Variants in COL16A1 observed in about 807,000 individuals in gnomAD.
COL16A1 encodes collagen type XVI alpha 1 chain.
Under a neutral mutation model 266.3 loss-of-function variants are expected in COL16A1, and 189 were observed. The observed-to-expected ratio is 0.71, with a 90% CI of 0.63 to 0.80. COL16A1 has a LOEUF of 0.80. Ranked by LOEUF, COL16A1 falls within the 30% of genes least tolerant of loss-of-function variation. The pLI is 0.00. For synonymous variants in COL16A1, 740 were observed against 782.3 expected (o/e 0.95, Z 0.90); for missense variants, 1,928 against 2,122.4 (o/e 0.91, Z 1.80).
intron 56 of COL16A1, 140 bp from the exon 57 acceptor site, chr1:31,662,798 C>T: frequency 1.2e-6 from 1 of 804,886 alleles, no homozygotes; most frequent in Admixed American, 2.8e-5. Flanking sequence ...CCCAATCTGT[C>T]CCTGTCTAAC....
At position 31,657,154 on chromosome 1, in the gene COL16A1, G is replaced by T; in HGVS notation, c.4021-86C>A. ...TCACTTTGTACATGGGGCAAGCCCA[G>T]CCCCCTGTTCCACCCAGAGGCCACG... is the stretch of plus-strand genomic sequence containing the variant. On this transcript the variant is annotated intron_variant, in intron 64 of 70. Transcript: ENST00000373672. This position sits in a 1 kb window ranked among gnomAD's most constrained non-coding sequence, Gnocchi z 6.4. The T allele has an allele frequency of 1.3e-6, 2 of 1,557,636 alleles. No homozygotes were observed. Among genetic ancestry groups the T allele is most frequent in the East Asian group, 2.2e-5 (1 of 44,602 alleles).
intron 60 of COL16A1, 23 bp from the exon 61 acceptor site, chr1:31,661,142 G>A (rs924310659): frequency 1.0e-5 from 16 of 1,556,842 alleles, no homozygotes; most frequent in Non-Finnish European, 1.3e-5. Flanking sequence ...GGAGCAGCTG[G>A]AGCTTACCAG....
chr1:31,675,224 G>A (rs1379018525), intron 43 of COL16A1, 34 bp downstream of exon 43: 1 of 1,614,136 alleles, frequency 6.2e-7, no homozygotes. Context: ...GGGCAGGGAA[G>A]GGGCATGCAC....
Position 31,662,245 on chromosome 1 carries a change from C to T in COL16A1, c.3681+89G>A, listed in dbSNP as rs534003526. On this transcript the variant is annotated intron_variant, in intron 58 of 70. Coordinates refer to ENST00000373672, the MANE Select transcript of COL16A1 (RefSeq NM_001856.4). ...CCCCCTGACAAAGACGGGGATACTT[C>T]GGTTCTTTCCATCAGGGTTCCCTTG... 1,724 of 1,555,632 alleles carry T rather than the reference C, an allele frequency of 1.1e-3. 2 individuals are homozygous for T. The highest frequency in any genetic ancestry group is 1.4e-3 in the Non-Finnish European group (1,630 of 1,148,864).
Position 31,660,658 on chromosome 1 carries a change from G to GA in COL16A1, c.3826-21dup. 1 of 1,613,226 alleles carries GA rather than the reference G, an allele frequency of 6.2e-7. No homozygotes were observed. The highest frequency in any genetic ancestry group is 1.3e-5 in the African/African-American group (1 of 74,950). On this transcript the variant is annotated intron_variant, in intron 61 of 70. Transcript: ENST00000373672. ...TTCACCCTGCAGGAGCCAGAAAAAGGAAAAAATGACACTGAAACTGACTTG... is the reference window on the plus strand; with the variant it reads ...TTCACCCTGCAGGAGCCAGAAAAAGGAAAAAAATGACACTGAAACTGACTTG...
Position 31,657,327 on chromosome 1 carries a change from C to T in COL16A1, c.4021-259G>A, listed in dbSNP as rs1641254724. 3.6e-6 allele frequency: 2 copies of T among 553,736 alleles called. No homozygotes were observed. Among genetic ancestry groups the T allele is most frequent in the Admixed American group, 6.2e-5 (2 of 32,460 alleles). The allele number at this position is 553,736 out of a possible 1,614,324, so 34.3% of individuals were successfully genotyped here. On this transcript the variant is annotated intron_variant, in intron 64 of 70. Coordinates refer to ENST00000373672, the MANE Select transcript of COL16A1 (RefSeq NM_001856.4). The surrounding 1 kb of genome is among the most constrained non-coding windows in gnomAD (Gnocchi z 6.4). ...CAAGGGAAGAACAGACCGTGCCTGC[C>T]TTGCTGTGTGCTTGGATCCTGGCAC... is the stretch of plus-strand genomic sequence containing the variant.
intron 69 of COL16A1, 29 bp from the exon 70 acceptor site, chr1:31,653,705 T>C (rs1640837535): frequency 6.2e-7 from 1 of 1,603,972 alleles, no homozygotes; most frequent in Non-Finnish European, 8.5e-7. Flanking sequence ...ATAAGTCCTA[T>C]CCCTGAGCAG....
chr1:31,657,105 C>T lies in COL16A1; in HGVS notation c.4021-37G>A. The T allele has an allele frequency of 1.2e-6, 2 of 1,613,996 alleles. No individual in the cohort carries two copies. The highest frequency in any genetic ancestry group is 4.5e-5 in the East Asian group (2 of 44,896). ...AGAGCAATGGAGACATGAGGAGCTC[C>T]AACCCAGTTTGGTGTCAGATGCCTC... On this transcript the variant is annotated intron_variant, in intron 64 of 70. Transcript: ENST00000373672. This position sits in a 1 kb window ranked among gnomAD's most constrained non-coding sequence, Gnocchi z 6.4.
At chr1:31,686,056 C>A (rs770994368) in intron 28 of COL16A1, 35 bp downstream of exon 28, 55 of 1,612,078 alleles carry the variant, frequency 3.4e-5, no homozygotes, top group Middle Eastern at 3.3e-4. Flanking sequence ...GGAAGCTCAC[C>A]CAGGCTGCAG....
chr1:31,658,795 C>T, intron 63 of COL16A1, 119 bp downstream of exon 63: 1 of 1,277,116 alleles, frequency 7.8e-7, no homozygotes, highest in South Asian at 1.3e-5. Flanking sequence ...AGGCTGACAC[C>T]AGGGAAGGAG....
At chr1:31,694,258 C>A in intron 11 of COL16A1, 88 bp from the exon 12 acceptor site, 1 of 1,132,432 alleles carries the variant, frequency 8.8e-7, no homozygotes, top group South Asian at 1.6e-5. Flanking sequence ...GACAGGGTCA[C>A]ACAGCATGGT....
rs542481662 is a variant in COL16A1 at position 31,698,090 on chromosome 1, A to T, written c.473T>A (p.Phe158Tyr). The change falls in exon 6 of 71, where the codon TTC becomes TAC. Residue 158 changes from phenylalanine to tyrosine, a missense_variant. Phe to Tyr is a conservative substitution (Grantham distance 22). Coordinates refer to ENST00000373672, the MANE Select transcript of COL16A1 (RefSeq NM_001856.4). This position sits in a 1 kb window ranked among gnomAD's most constrained non-coding sequence, Gnocchi z 4.1. Reference protein sequence around the residue: ...GQDGDFVSCIFPVPQLFDLRW... With the variant: ...GQDGDFVSCIYPVPQLFDLRW... Reference sequence around the variant, plus strand: ...CAAGTCGAAGAGCTGGGGCACTGGGAAGATGCAGGACACAAAGTCGCCATC... The same window carrying T: ...CAAGTCGAAGAGCTGGGGCACTGGGTAGATGCAGGACACAAAGTCGCCATC... The T allele has an allele frequency of 6.2e-7, 1 of 1,614,020 alleles. No individual in the cohort carries two copies. Among genetic ancestry groups the T allele is most frequent in the Admixed American group, 1.7e-5 (1 of 60,028 alleles).
chr1:31,661,778 CCT>C, intron 58 of COL16A1, 74 bp from the exon 59 acceptor site: 1 of 1,484,152 alleles, frequency 6.7e-7, no homozygotes, highest in Non-Finnish European at 9.1e-7. Flanking sequence ...TCTGTCCTCC[CCT>C]CTCTCCAGCC....
At position 31,692,777 on chromosome 1, in the gene COL16A1, G is replaced by A. The variant is rs2148812505; in HGVS notation, c.1103C>T (p.Ala368Val). ...ACCTCCAAGTCTTACCTGAAGTGGG[G>A]CATCCGGGGAGATTCGAACACAGTC... ...GNDCVRISPD[A>V]PLQCAEGPKG... is the part of the protein sequence containing the mutation. Residue 368 changes from alanine (A) to valine (V), a missense_variant, in exon 14 of 71, where the codon GCC becomes GTC. Ala to Val is a moderately conservative substitution (Grantham distance 64). Around this residue, in one of 2 missense-constraint regions of COL16A1, gnomAD observed 1,552 missense variants for 1,637.2 expected, o/e 0.95. Transcript: ENST00000373672. 1.9e-6 allele frequency: 3 copies of A among 1,613,854 alleles called. No homozygotes were observed. The highest frequency in any genetic ancestry group is 2.2e-5 in the South Asian group (2 of 91,074).
rs373959947 is a variant in COL16A1, at chr1:31,699,917, G to A, written c.162C>T (p.Ile54=). 34 of 1,612,762 alleles carry A rather than the reference G, an allele frequency of 2.1e-5. No homozygotes were observed. Among genetic ancestry groups the A allele is most frequent in the Non-Finnish European group, 2.5e-5 (30 of 1,178,792 alleles). Reference sequence around the variant, plus strand: ...ACGTCTTCATGAGGCTGAGTCGGTGGATGAGGTTGAAGCCTTTGGGGGAGA... The same window carrying A: ...ACGTCTTCATGAGGCTGAGTCGGTGAATGAGGTTGAAGCCTTTGGGGGAGA... ...LPANVTGFNL[I]HRLSLMKTSA... Residue 54 remains isoleucine, a synonymous_variant, in exon 4 of 71, where the codon ATC becomes ATT. Coordinates refer to ENST00000373672, the MANE Select transcript of COL16A1 (RefSeq NM_001856.4).
rs1570364324 is a variant in COL16A1, at chr1:31,660,710, A to AG, written c.3826-73dup. On this transcript the variant is annotated intron_variant, in intron 61 of 70. Transcript: ENST00000373672. The stretch of plus-strand genomic sequence containing the variant: ...TTGCACCATGTGGCTGTCGGATGGG[A>AG]GGGGGCTGGGCAGAATACATGGTAA... 10 of 1,601,242 alleles carry AG rather than the reference A, an allele frequency of 6.2e-6. No homozygotes were observed. In the East Asian group the frequency reaches 2.2e-4, roughly 36 times the overall value.
At position 31,685,618 on chromosome 1, in the gene COL16A1, C is replaced by T. The variant is rs1435917854; in HGVS notation, c.2016+21G>A. Reference sequence around the variant, plus strand: ...CGCCTGCATCCCCCGTCCAGAGGCCCCTGCCTATATCCCACCTCACCTGTT... The same window carrying T: ...CGCCTGCATCCCCCGTCCAGAGGCCTCTGCCTATATCCCACCTCACCTGTT... On this transcript the variant is annotated intron_variant, in intron 29 of 70. Transcript: ENST00000373672. The surrounding 1 kb of genome is among the most constrained non-coding windows in gnomAD (Gnocchi z 4.0). The T allele has an allele frequency of 3.1e-6, 5 of 1,612,134 alleles. No homozygotes were observed. Among genetic ancestry groups the T allele is most frequent in the Non-Finnish European group, 4.2e-6 (5 of 1,178,716 alleles).
At chr1:31,666,377 G>A in intron 52 of COL16A1, 1 of 416,400 alleles carries the variant, frequency 2.4e-6, no homozygotes, top group Non-Finnish European at 4.3e-6. Flanking sequence ...AACACCTTAT[G>A]CGGCTCCCTC....
intron 56 of COL16A1, 34 bp downstream of exon 56, chr1:31,665,138 A>T: frequency 1.2e-6 from 2 of 1,602,768 alleles, no homozygotes; most frequent in Non-Finnish European, 1.7e-6. Flanking sequence ...CATGGCTCAG[A>T]TCTGTGACTT....
Sources: gnomAD v4.1 joint callset for allele counts on GRCh38, gnomAD v4.1.1 for gene constraint, gnomAD v4.1.1 regional missense constraint, Gnocchi (gnomAD v3.1) non-coding constraint, MANE v1.5 for transcripts, NCBI Gene and HGNC (gene_info 2026-07-23, HGNC 2026-07-21) for gene names.